The following DIP2A variants were observed in gnomAD, a reference collection of about 807,000 sequenced individuals.
DIP2A encodes the protein DIP2 acetate--CoA ligase A, also known as disco-interacting protein 2 homolog A.
In DIP2A, 85 loss-of-function variants were observed where a neutral mutation model predicts 177.4. The observed-to-expected ratio is 0.48, with a 90% CI of 0.40 to 0.57. The LOEUF is 0.57. DIP2A is among the 20% of genes least tolerant of loss of function. The pLI, the probability that DIP2A is intolerant of heterozygous loss-of-function variation, is 0.00. For synonymous variants in DIP2A, 886 were observed against 881.8 expected, an observed-to-expected ratio of 1.00 and a Z score of -0.08; for missense variants, 1,791 against 2,100.2, an observed-to-expected ratio of 0.85 and a Z score of 2.88.
chr21:46,522,631 C>T (rs537481121), intron 8 of DIP2A, among the ~76,000 whole-genome samples: 1 of 152,332 alleles, frequency 6.6e-6, no homozygotes, highest in East Asian at 1.9e-4. Context: ...CCTACAACTG[C>T]CATTAGCTAC....
intron 12 of DIP2A, 22 bp downstream of exon 12, chr21:46,534,135 G>C (rs773021624): frequency 1.3e-6 from 2 of 1,575,104 alleles, no homozygotes; most frequent in Non-Finnish European, 1.7e-6. Context: ...TCCTAACTTA[G>C]AGAATGTAAA....
chr21:46,581,614 AC>A, the DIP2A span, among the ~76,000 whole-genome samples: 2,349 of 151,970 alleles, frequency 0.015, 59 homozygotes, highest in African/African-American at 0.054. Flanking sequence ...GAGGCTGCTG[AC>A]CTTTGGATGG....
intron 3 of DIP2A, among the ~76,000 whole-genome samples, chr21:46,491,691 C>T (rs1048362847): frequency 2.6e-5 from 4 of 152,176 alleles, no homozygotes; most frequent in South Asian, 2.1e-4. Context: ...TGCAGATGCA[C>T]GCACACATGT....
In DIP2A at chr21:46,514,631, TTTTTTTTTTG is replaced by T. The variant is rs1569013814; in HGVS notation, c.1102+3018_1102+3027del. 5.0e-5 allele frequency among the ~76,000 whole-genome samples: 7 copies of T among 140,534 alleles called. No individual in the cohort carries two copies. The East Asian group carries it at 8.2e-4, about 16-fold the overall frequency. The allele number at this position is 140,534 out of a possible 152,430, so 92.2% of individuals were successfully genotyped here. The stretch of plus-strand genomic sequence containing the variant: ...AAACTTTTATTCTTTTTTTTTTTTT[TTTTTTTTTTG>T]GTTTTTTTTTTTTTGCACAAGCTAG... On this transcript the variant is annotated intron_variant, in intron 8 of 37. Coordinates refer to ENST00000417564, the MANE Select transcript of DIP2A (RefSeq NM_015151.4).
Position 46,459,173 on chromosome 21 carries a change from T to C in DIP2A, c.42T>C (p.Pro14=). The C allele has an allele frequency of 6.6e-7, 1 of 1,523,020 alleles. No individual in the cohort carries two copies. Among genetic ancestry groups the C allele is most frequent in the Non-Finnish European group, 8.8e-7 (1 of 1,135,984 alleles). The allele number at this position is 1,523,020 out of a possible 1,614,324, so 94.3% of individuals were successfully genotyped here. ...GCCCGCTGGAGGCGGCGCCGCTGCC[T>C]GCCGAGGTGCGGGAGAGCCTGGCTG... ...RGCPLEAAPL[P]AEVRESLAEL... is the part of the protein sequence containing the mutation. Residue 14 remains proline, a synonymous_variant, in exon 1 of 38, where the codon CCT becomes CCC. Transcript: ENST00000417564.
chr21:46,555,056 G>A, intron 28 of DIP2A, 123 bp downstream of exon 28: 1 of 1,015,382 alleles, frequency 9.8e-7, no homozygotes, highest in Admixed American at 2.2e-5. Flanking sequence ...GAGCCTGGCT[G>A]ACAGCAGGGG....
chr21:46,498,570 T>C lies in DIP2A; in HGVS notation c.404-12T>C, dbSNP rs1159169936. The C allele has an allele frequency of 1.3e-6, 2 of 1,597,656 alleles. No homozygotes were observed. Among genetic ancestry groups the C allele is most frequent in the Admixed American group, 1.7e-5 (1 of 59,306 alleles). ...CCCGATATCATGCCTGTCATCGTTA[T>C]TTTAACCACAGACACGTCGTCTGCC... On this transcript the variant is annotated splice_polypyrimidine_tract_variant and intron_variant, in intron 4 of 37. Coordinates refer to ENST00000417564, the MANE Select transcript of DIP2A (RefSeq NM_015151.4). This position sits in a 1 kb window ranked among gnomAD's most constrained non-coding sequence, Gnocchi z 4.3.
chr21:46,541,681 G>A (rs907510364), intron 17 of DIP2A, 75 bp from the exon 18 acceptor site: 7 of 1,565,202 alleles, frequency 4.5e-6, no homozygotes, highest in African/African-American at 1.4e-5. Context: ...GAATCATGCT[G>A]CAGGCAAGGT....
intron 10 of DIP2A, 22 bp from the exon 11 acceptor site, chr21:46,533,502 A>T: frequency 6.2e-7 from 1 of 1,609,574 alleles, no homozygotes; most frequent in Non-Finnish European, 8.5e-7. Flanking sequence ...CCCACCCCAC[A>T]CGGTCACTCT....
intron 1 of DIP2A, among the ~76,000 whole-genome samples, chr21:46,470,474 C>CA (rs57786498): frequency 0.37 from 50,846 of 137,052 alleles, 8,963 homozygotes; most frequent in African/African-American, 0.47. Flanking sequence ...AGCTCCGTCT[C>CA]AAAAAAAAAA....
chr21:46,551,686 C>A lies in DIP2A; in HGVS notation c.2892C>A (p.Ile964=). ...IVGNLVAGKR[I]AQASGRELAH... Reference sequence around the variant, plus strand: ...GGAACCTGGTTGCTGGGAAGAGAATCGCTCAGGCTTCCGGGAGAGAGCTCG... The same window carrying A: ...GGAACCTGGTTGCTGGGAAGAGAATAGCTCAGGCTTCCGGGAGAGAGCTCG... Residue 964 remains isoleucine, a synonymous_variant, in exon 24 of 38, where the codon ATC becomes ATA. Transcript: ENST00000417564. 1 of 1,613,996 alleles carries A rather than the reference C, an allele frequency of 6.2e-7. No homozygotes were observed. The highest frequency in any genetic ancestry group is 1.1e-5 in the South Asian group (1 of 91,078).
At chr21:46,490,008 G>T (rs536728859) in intron 2 of DIP2A, among the ~76,000 whole-genome samples, 2 of 152,182 alleles carry the variant, frequency 1.3e-5, no homozygotes, top group African/African-American at 4.8e-5. Context: ...AGTGGGTGGT[G>T]CGGCGAGGGC....
At chr21:46,550,796 G>A (rs964468406) in intron 23 of DIP2A, 52 bp downstream of exon 23, 63 of 1,578,336 alleles carry the variant, frequency 4.0e-5, no homozygotes, top group South Asian at 3.5e-4. Context: ...TGGTAACAGC[G>A]GTGCTTGTGG....
chr21:46,521,944 C>T (rs2096506), intron 8 of DIP2A, among the ~76,000 whole-genome samples: 7,846 of 54,092 alleles, frequency 0.15, 443 homozygotes, highest in African/African-American at 0.32. Flanking sequence ...TTTCACTTTC[C>T]GTGCACATTT....
In DIP2A at chr21:46,558,112, G is replaced by A. The variant is rs1448946141; in HGVS notation, c.3799-111G>A. The stretch of plus-strand genomic sequence containing the variant: ...GACACAGCCTGCGGAGAGGAGGTTG[G>A]TGTCCAGCTCCACCTCTGTGTGCCC... On this transcript the variant is annotated intron_variant, in intron 31 of 37. Transcript: ENST00000417564. The A allele has an allele frequency of 9.0e-6, 10 of 1,116,808 alleles. No individual in the cohort carries two copies. In the African/African-American group the frequency reaches 1.6e-4, roughly 17 times the overall value. 69.2% of individuals were successfully genotyped at this position (1,116,808 alleles called of 1,614,324 possible). A position where few individuals can be genotyped will look rare whatever the true frequency, so the allele number is the denominator to read the frequency against.
intron 1 of DIP2A, among the ~76,000 whole-genome samples, chr21:46,476,974 T>C (rs2055901412): frequency 6.6e-6 from 1 of 152,102 alleles, no homozygotes. Flanking sequence ...TCGCTCTTAA[T>C]CTGGAAGTTG....
the DIP2A span, among the ~76,000 whole-genome samples, chr21:46,577,442 G>T: frequency 1.3e-5 from 2 of 152,170 alleles, no homozygotes; most frequent in African/African-American, 4.8e-5. Flanking sequence ...GATGGTTGTA[G>T]ATGGGCAGTC....
chr21:46,523,051 G>A (rs535526703), intron 8 of DIP2A, among the ~76,000 whole-genome samples: 36 of 151,892 alleles, frequency 2.4e-4, no homozygotes, highest in Non-Finnish European at 4.7e-4. Context: ...TCAGCCTCCC[G>A]AGTAGCTGGG....
At chr21:46,575,168 G>A in the DIP2A span, among the ~76,000 whole-genome samples, 2 of 151,938 alleles carry the variant, frequency 1.3e-5, no homozygotes, top group African/African-American at 4.8e-5. Flanking sequence ...GAATGAAGGG[G>A]AAAAACCACA....
Sources: allele counts gnomAD v4.1 joint callset (sites outside exome capture counted in the v4.1 genomes callset), GRCh38; gene constraint gnomAD v4.1.1; non-coding constraint Gnocchi (gnomAD v3.1); transcripts MANE v1.5; gene names NCBI Gene and HGNC (gene_info 2026-07-23, HGNC 2026-07-21).